FRMD4A: variants seen among roughly 807,000 people sequenced by gnomAD.
FRMD4A encodes the protein FERM domain containing 4A, also known as FERM domain-containing protein 4A.
In FRMD4A, 29 loss-of-function variants were observed where a neutral mutation model predicts 129.1. That is an observed-to-expected ratio of 0.22 (90% CI 0.17 to 0.31). The LOEUF is 0.31. Among genes scored for constraint, FRMD4A ranks in the 10% least tolerant of loss-of-function variants. The probability of loss-of-function intolerance (pLI) is 1.00; values close to 1 mark genes in which losing one functional copy is unlikely to be tolerated. For missense variants in FRMD4A, 1,272 were observed against 1,375.8 expected (o/e 0.92, Z 1.19); for synonymous variants, 634 against 571.6 (o/e 1.11, Z -1.56).
At chr10:14,240,645 T>C (rs773037662) in intron 2 of FRMD4A, among the ~76,000 whole-genome samples, 9 of 152,154 alleles carry the variant, frequency 5.9e-5, no homozygotes, top group Non-Finnish European at 1.0e-4. Context: ...CGTTTAACCA[T>C]TATTATTAAA....
chr10:13,849,730 C>T (rs943751489), intron 3 of FRMD4A, among the ~76,000 whole-genome samples: 3 of 151,548 alleles, frequency 2.0e-5, no homozygotes, highest in African/African-American at 4.8e-5. Context: ...CCACCCGCCT[C>T]GGCCTCCCAA....
intron 6 of FRMD4A, among the ~76,000 whole-genome samples, chr10:13,768,077 G>GGTGTGT (rs1304011761): frequency 9.0e-6 from 1 of 110,660 alleles, no homozygotes. Context: ...ACCGTCTGCA[G>GGTGTGT]GTATGTGTGT....
intron 2 of FRMD4A, among the ~76,000 whole-genome samples, chr10:14,245,888 G>T (rs1218383): frequency 1.3e-5 from 2 of 152,090 alleles, no homozygotes; most frequent in African/African-American, 2.4e-5. Flanking sequence ...CTTCCAGTGC[G>T]GGGAGCCAGA....
chr10:14,130,794 T>A (rs1469663101), intron 2 of FRMD4A, among the ~76,000 whole-genome samples: 2 of 152,216 alleles, frequency 1.3e-5, no homozygotes, highest in Non-Finnish European at 2.9e-5. Flanking sequence ...TTATTTGACA[T>A]AGGGAATAAG....
chr10:13,895,254 A>T lies in FRMD4A; in HGVS notation c.46-36342T>A, dbSNP rs371214795. ...CCCTCCTCTCACCCTCTATCCTGTG[A>T]TAAGCCCCATTGTGTGTTGTTCCCC... On this transcript the variant is annotated intron_variant, in intron 2 of 24. Transcript: ENST00000357447. 2.2e-3 allele frequency among the ~76,000 whole-genome samples: 333 copies of T among 152,258 alleles called. 1 individual carries two copies. The highest frequency in any genetic ancestry group is 7.7e-3 in the African/African-American group (320 of 41,536).
chr10:13,905,055 A>G (rs2094867825), intron 2 of FRMD4A, among the ~76,000 whole-genome samples: 1 of 151,912 alleles, frequency 6.6e-6, no homozygotes, highest in South Asian at 2.1e-4. Flanking sequence ...CAACTCCTTA[A>G]AACAGTTTTA....
chr10:13,851,086 T>C (rs1589025911), intron 3 of FRMD4A, among the ~76,000 whole-genome samples: 3 of 152,068 alleles, frequency 2.0e-5, no homozygotes, highest in Non-Finnish European at 4.4e-5. Flanking sequence ...TGATGGCGGG[T>C]GCCTGTAATC....
Position 13,652,157 on chromosome 10 carries a change from A to T in FRMD4A, c.3051-183T>A. 5 of 610,392 alleles carry T rather than the reference A, an allele frequency of 8.2e-6. No homozygotes were observed. The South Asian group carries it at 1.0e-4, about 12-fold the overall frequency. 37.8% of individuals were successfully genotyped at this position (610,392 alleles called of 1,614,324 possible). Reference sequence around the variant, plus strand: ...TTTCAGTCCCCATAATTGAGTCAAAATACCTAGTTTGTTAGGAGGGACGGG... The same window carrying T: ...TTTCAGTCCCCATAATTGAGTCAAATTACCTAGTTTGTTAGGAGGGACGGG... On this transcript the variant is annotated intron_variant, in intron 23 of 24. Transcript: ENST00000357447.
At chr10:13,660,197 A>G in intron 20 of FRMD4A, 119 bp downstream of exon 20, 1 of 686,696 alleles carries the variant, frequency 1.5e-6, no homozygotes, top group Non-Finnish European at 2.6e-6. Flanking sequence ...GGCAAACCCC[A>G]CGGGGAGGAA....
intron 2 of FRMD4A, among the ~76,000 whole-genome samples, chr10:14,171,644 C>T (rs1467921060): frequency 1.3e-5 from 2 of 152,152 alleles, no homozygotes; most frequent in Non-Finnish European, 2.9e-5. Flanking sequence ...TTATGCAAAT[C>T]CCAAGATAAA....
intron 2 of FRMD4A, among the ~76,000 whole-genome samples, chr10:14,162,635 TTTTTTG>T (rs1840956522): frequency 7.2e-6 from 1 of 138,860 alleles, no homozygotes; most frequent in African/African-American, 3.0e-5. Context: ...TCTCTGTTTT[TTTTTTG>T]TTTTTTTTTT....
chr10:13,982,637 A>G (rs1488901051), intron 2 of FRMD4A, among the ~76,000 whole-genome samples: 1 of 152,216 alleles, frequency 6.6e-6, no homozygotes, highest in Non-Finnish European at 1.5e-5. Context: ...GACAGGCCTT[A>G]CTGGGTCTTC....
At chr10:14,141,776 C>A (rs1420147629) in intron 2 of FRMD4A, among the ~76,000 whole-genome samples, 4 of 152,006 alleles carry the variant, frequency 2.6e-5, no homozygotes, top group Non-Finnish European at 4.4e-5. Flanking sequence ...TCTCACCATG[C>A]GGTCTTTCTG....
At chr10:14,188,430 C>T (rs139691022) in intron 2 of FRMD4A, among the ~76,000 whole-genome samples, 31 of 152,222 alleles carry the variant, frequency 2.0e-4, no homozygotes, top group African/African-American at 1.2e-4. Flanking sequence ...AATCATGTGC[C>T]GTCTCCTTTC....
chr10:14,007,967 G>A (rs966495908), intron 2 of FRMD4A: 13 of 1,256,584 alleles, frequency 1.0e-5, no homozygotes, highest in East Asian at 5.8e-5. Flanking sequence ...TTCAGGAAAC[G>A]TGAGTAACAG....
At chr10:13,712,218 A>G (rs71479837) in intron 12 of FRMD4A, among the ~76,000 whole-genome samples, 4 of 152,220 alleles carry the variant, frequency 2.6e-5, no homozygotes, top group African/African-American at 9.6e-5. Context: ...ACACAACGAC[A>G]ACTGTGATGA....
chr10:13,774,304 C>T (rs536565099), intron 6 of FRMD4A, among the ~76,000 whole-genome samples: 1 of 152,248 alleles, frequency 6.6e-6, no homozygotes, highest in East Asian at 1.9e-4. Flanking sequence ...GGCCATGCCT[C>T]CTGCCTGCTG....
intron 5 of FRMD4A, among the ~76,000 whole-genome samples, chr10:13,790,251 G>T (rs1009913254): frequency 2.0e-5 from 3 of 152,156 alleles, no homozygotes; most frequent in African/African-American, 7.2e-5. Context: ...AGGTGACAAC[G>T]AAAGGGGAGC....
chr10:14,212,044 T>A (rs1055301572), intron 2 of FRMD4A, among the ~76,000 whole-genome samples: 1 of 152,128 alleles, frequency 6.6e-6, no homozygotes, highest in Non-Finnish European at 1.5e-5. Context: ...CCTGTGATCC[T>A]TCCAACAGTA....
Sources: gnomAD v4.1 joint callset for allele counts (sites outside exome capture counted in the v4.1 genomes callset) on GRCh38, gnomAD v4.1.1 for gene constraint, MANE v1.5 for transcripts, NCBI Gene and HGNC (gene_info 2026-07-23, HGNC 2026-07-21) for gene names.